KCNK9: variants seen among roughly 807,000 people sequenced by gnomAD.
The protein encoded by KCNK9 is potassium channel subfamily K member 9.
Under a neutral mutation model 10.8 loss-of-function variants are expected in KCNK9, and 1 was observed. The ratio of observed to expected loss-of-function variants is 0.09; its 90% CI spans 0.03 to 0.44. KCNK9 has a LOEUF of 0.44. KCNK9 is among the 20% of genes least tolerant of loss of function. KCNK9 has a pLI of 0.97. For synonymous variants in KCNK9, 231 were observed against 222.7 expected (o/e 1.04, Z -0.33); for missense variants, 303 against 515.0 (o/e 0.59, Z 3.98).
chr8:139,605,252 C>T (rs1051951619), intron 2 of KCNK9, among the ~76,000 whole-genome samples: 10 of 152,174 alleles, frequency 6.6e-5, no homozygotes, highest in Non-Finnish European at 8.8e-5. Flanking sequence ...TCAGCAAATC[C>T]GGTCTCGGTT....
At chr8:139,655,043 G>A (rs1815982035) in intron 1 of KCNK9, among the ~76,000 whole-genome samples, 1 of 152,162 alleles carries the variant, frequency 6.6e-6, no homozygotes, top group Non-Finnish European at 1.5e-5. Flanking sequence ...GGGCGCTGGG[G>A]CAGGTGGCAG....
Position 139,618,338 on chromosome 8 carries a change from A to C in KCNK9, c.1045T>G (p.Ser349Ala). 1 of 1,614,150 alleles carries C rather than the reference A, an allele frequency of 6.2e-7. No individual in the cohort carries two copies. The highest frequency in any genetic ancestry group is 1.3e-5 in the African/African-American group (1 of 75,022). ...PSTLKNSLFPSPISSISPGLH... is the reference protein window; with the variant it reads ...PSTLKNSLFPAPISSISPGLH... ...CCAGGAGAGATGGAGCTAATAGGCGATGGGAAGAGGCTGTTTTTTAATGTG... is the reference window on the plus strand; with the variant it reads ...CCAGGAGAGATGGAGCTAATAGGCGCTGGGAAGAGGCTGTTTTTTAATGTG... Residue 349 changes from serine (S) to alanine (A), a missense_variant, in exon 2 of 2, where the codon TCG becomes GCG. Coordinates refer to ENST00000520439, the MANE Select transcript of KCNK9 (RefSeq NM_001282534.2). This position sits in a 1 kb window ranked among gnomAD's most constrained non-coding sequence, Gnocchi z 7.9.
At chr8:139,696,997 G>A (rs1267312970) in intron 1 of KCNK9, among the ~76,000 whole-genome samples, 2 of 150,642 alleles carry the variant, frequency 1.3e-5, no homozygotes, top group Non-Finnish European at 3.0e-5. Flanking sequence ...GGATGAATGG[G>A]TGGATGGGTG....
At chr8:139,624,944 C>T (rs1814918292) in intron 1 of KCNK9, among the ~76,000 whole-genome samples, 1 of 152,254 alleles carries the variant, frequency 6.6e-6, no homozygotes, top group East Asian at 1.9e-4. Flanking sequence ...AGACTCTGCG[C>T]TGTGCACTAT....
chr8:139,656,487 A>G (rs886810459), intron 1 of KCNK9, among the ~76,000 whole-genome samples: 1 of 151,998 alleles, frequency 6.6e-6, no homozygotes. Flanking sequence ...CTCCCTCACA[A>G]TCTGCAGACA....
At chr8:139,624,959 C>T (rs548130090) in intron 1 of KCNK9, among the ~76,000 whole-genome samples, 2 of 152,238 alleles carry the variant, frequency 1.3e-5, no homozygotes, top group Non-Finnish European at 2.9e-5. Flanking sequence ...CACTATGACT[C>T]CTGAGCACCC....
downstream of KCNK9, among the ~76,000 whole-genome samples, chr8:139,615,533 A>C (rs1315676250): frequency 6.6e-6 from 1 of 152,144 alleles, no homozygotes; most frequent in Non-Finnish European, 1.5e-5. Flanking sequence ...TGAGCAAAAA[A>C]TGAACATCAC....
intron 1 of KCNK9, among the ~76,000 whole-genome samples, chr8:139,650,537 T>A (rs922277679): frequency 6.6e-6 from 1 of 152,074 alleles, no homozygotes; most frequent in Non-Finnish European, 1.5e-5. Flanking sequence ...CTCATCCCCC[T>A]GTCCCTCCCT....
chr8:139,673,027 C>T (rs754957102), intron 1 of KCNK9, among the ~76,000 whole-genome samples: 2 of 152,190 alleles, frequency 1.3e-5, no homozygotes, highest in Non-Finnish European at 2.9e-5. Flanking sequence ...AACCCACCTA[C>T]CACGTGCAGA....
chr8:139,671,630 G>T (rs1468677525), intron 1 of KCNK9, among the ~76,000 whole-genome samples: 1 of 151,562 alleles, frequency 6.6e-6, no homozygotes, highest in Non-Finnish European at 1.5e-5. Flanking sequence ...CGATTATCCT[G>T]CCTCAGCCTC....
chr8:139,627,348 G>A (rs1815009619), intron 1 of KCNK9, among the ~76,000 whole-genome samples: 1 of 152,156 alleles, frequency 6.6e-6, no homozygotes, highest in South Asian at 2.1e-4. Context: ...TTCAATCCAA[G>A]AAGGGAACAG....
chr8:139,676,417 T>C (rs1396748750), intron 1 of KCNK9, among the ~76,000 whole-genome samples: 2 of 152,198 alleles, frequency 1.3e-5, no homozygotes, highest in Non-Finnish European at 2.9e-5. Context: ...TATTTCTGTT[T>C]CCCAGCTGGG....
intron 1 of KCNK9, among the ~76,000 whole-genome samples, chr8:139,686,211 T>A (rs774976870): frequency 1.2e-4 from 18 of 152,184 alleles, no homozygotes; most frequent in Non-Finnish European, 2.5e-4. Flanking sequence ...GGGCAAAGAT[T>A]TCATGACTAA....
chr8:139,645,767 G>A (rs1815656156), intron 1 of KCNK9, among the ~76,000 whole-genome samples: 1 of 152,192 alleles, frequency 6.6e-6, no homozygotes, highest in Non-Finnish European at 1.5e-5. Context: ...CCCGTGCAAG[G>A]CCCCAAGCGG....
chr8:139,637,760 T>TACACACACACACACACACACACAC (rs34018499), intron 1 of KCNK9, among the ~76,000 whole-genome samples: 16,407 of 145,714 alleles, frequency 0.11, 1,065 homozygotes, highest in Non-Finnish European at 0.14. Context: ...ATTCCTACTC[T>TACACACACACACACACACACACAC]ACACACACAC....
intron 1 of KCNK9, among the ~76,000 whole-genome samples, chr8:139,698,158 C>T (rs1434626286): frequency 6.6e-6 from 1 of 152,230 alleles, no homozygotes; most frequent in Non-Finnish European, 1.5e-5. Context: ...AACTGCATGA[C>T]AGAGTTCAAG....
At chr8:139,672,592 C>T (rs1419000326) in intron 1 of KCNK9, among the ~76,000 whole-genome samples, 2 of 152,236 alleles carry the variant, frequency 1.3e-5, no homozygotes, top group African/African-American at 2.4e-5. Context: ...GGCCCCTCGC[C>T]TGAGGCTGCC....
intron 1 of KCNK9, among the ~76,000 whole-genome samples, chr8:139,635,714 CACAAAAGAAA>C (rs1815315983): frequency 6.6e-6 from 1 of 152,092 alleles, no homozygotes; most frequent in Non-Finnish European, 1.5e-5. Context: ...TGAAGAGAAT[CACAAAAGAAA>C]GCTAAAGAAG....
rs545164778 is a variant in KCNK9, at chr8:139,657,311, G to A, written c.284-38212C>T. ...GCTAGAAAACCACCACCACTTGAGA[G>A]AATTTAGAACAGAGGGAATTCAATC... On this transcript the variant is annotated intron_variant, in intron 1 of 1. Coordinates refer to ENST00000520439, the MANE Select transcript of KCNK9 (RefSeq NM_001282534.2). Among the ~76,000 whole-genome samples, 6 of 152,318 alleles carry A rather than the reference G, an allele frequency of 3.9e-5. No individual in the cohort carries two copies. The South Asian group carries it at 1.2e-3, about 32-fold the overall frequency.
Sources: gnomAD v4.1 joint callset for allele counts (sites outside exome capture counted in the v4.1 genomes callset) on GRCh38, gnomAD v4.1.1 for gene constraint, Gnocchi (gnomAD v3.1) non-coding constraint, MANE v1.5 for transcripts, NCBI Gene and HGNC (gene_info 2026-07-23, HGNC 2026-07-21) for gene names.